BACH2: variants seen among roughly 807,000 people sequenced by gnomAD.
The protein encoded by BACH2 is BACH transcriptional regulator 2.
In BACH2, 5 loss-of-function variants were observed where a neutral mutation model predicts 61.8. The observed-to-expected ratio is 0.08, with a 90% CI of 0.04 to 0.17. BACH2 has a LOEUF of 0.17. Among genes scored for constraint, BACH2 ranks in the 10% least tolerant of loss-of-function variants. The pLI, the probability that BACH2 is intolerant of heterozygous loss-of-function variation, is 1.00. For missense variants in BACH2, 824 were observed against 1,091.1 expected, an observed-to-expected ratio of 0.76 and a Z score of 3.45; for synonymous variants, 446 against 440.1, an observed-to-expected ratio of 1.01 and a Z score of -0.17.
chr6:90,211,762 A>C (rs1369468605), intron 3 of BACH2, among the ~76,000 whole-genome samples: 4 of 152,288 alleles, frequency 2.6e-5, no homozygotes, highest in African/African-American at 4.8e-5. Flanking sequence ...TCAGTAATAT[A>C]TGTCAAAGCT....
At chr6:90,207,422 G>A (rs1582485022) in intron 3 of BACH2, among the ~76,000 whole-genome samples, 1 of 152,230 alleles carries the variant, frequency 6.6e-6, no homozygotes, top group East Asian at 1.9e-4. Context: ...CAGTTTCAAG[G>A]TTAATTTGTC....
chr6:90,038,027 C>T (rs1239109118), intron 5 of BACH2, among the ~76,000 whole-genome samples: 1 of 152,166 alleles, frequency 6.6e-6, no homozygotes, highest in African/African-American at 2.4e-5. Flanking sequence ...CATGACCCTG[C>T]CAACATCCTG....
chr6:89,996,319 T>A (rs1442400485), intron 6 of BACH2, among the ~76,000 whole-genome samples: 1 of 152,224 alleles, frequency 6.6e-6, no homozygotes, highest in Non-Finnish European at 1.5e-5. Context: ...CTGACTGTGC[T>A]CTCTGTCTGT....
intron 4 of BACH2, among the ~76,000 whole-genome samples, chr6:90,193,819 T>G (rs527477473): frequency 6.6e-6 from 1 of 152,288 alleles, no homozygotes; most frequent in East Asian, 1.9e-4. Context: ...TTTAAATTAT[T>G]TTACATGAAA....
intron 4 of BACH2, among the ~76,000 whole-genome samples, chr6:90,134,732 T>C (rs1784215403): frequency 6.6e-6 from 1 of 152,244 alleles, no homozygotes; most frequent in Non-Finnish European, 1.5e-5. Flanking sequence ...CTGGTATTTA[T>C]GTCTAAATGG....
At chr6:90,225,750 G>C (rs1244710509) in intron 3 of BACH2, among the ~76,000 whole-genome samples, 1 of 152,300 alleles carries the variant, frequency 6.6e-6, no homozygotes, top group Admixed American at 6.5e-5. Context: ...CATCCTGCAC[G>C]TGTATCCTGG....
chr6:90,167,638 C>A (rs184816113), intron 4 of BACH2, among the ~76,000 whole-genome samples: 3 of 152,244 alleles, frequency 2.0e-5, no homozygotes, highest in African/African-American at 7.2e-5. Flanking sequence ...GGGTTATAGG[C>A]ATGAGCCACT....
intron 3 of BACH2, among the ~76,000 whole-genome samples, chr6:90,207,282 C>T (rs1769181870): frequency 6.6e-6 from 1 of 152,016 alleles, no homozygotes; most frequent in Non-Finnish European, 1.5e-5. Context: ...CTATGTCCAG[C>T]TAATTTTTGT....
intron 5 of BACH2, among the ~76,000 whole-genome samples, chr6:90,011,701 T>C (rs1441297456): frequency 6.6e-6 from 1 of 152,010 alleles, no homozygotes; most frequent in Non-Finnish European, 1.5e-5. Flanking sequence ...GGCAGGCAGG[T>C]TACGAGGTCA....
intron 4 of BACH2, among the ~76,000 whole-genome samples, chr6:90,146,533 CATGA>C (rs1222275107): frequency 6.6e-6 from 1 of 152,190 alleles, no homozygotes; most frequent in African/African-American, 2.4e-5. Flanking sequence ...GTAACTACTC[CATGA>C]CCCATAACTG....
intron 4 of BACH2, among the ~76,000 whole-genome samples, chr6:90,123,243 G>T (rs1009761126): frequency 6.6e-6 from 1 of 152,270 alleles, no homozygotes; most frequent in East Asian, 1.9e-4. Flanking sequence ...GCAGAGATTG[G>T]AGTCATTTAG....
chr6:90,213,280 C>T (rs1406768919), intron 3 of BACH2, among the ~76,000 whole-genome samples: 14 of 152,174 alleles, frequency 9.2e-5, no homozygotes, highest in South Asian at 2.1e-4. Context: ...ACTCAAGAAA[C>T]GGAGTTGAGA....
rs1192238646 is a variant in BACH2, at chr6:89,928,754, T to G, written c.*3654A>C. ...AGTTAATAAATTACTCGCACAACAT[T>G]CAGTTGCAGACACACAGAGTCAGGT... On this transcript the variant is annotated 3_prime_UTR_variant, in exon 9 of 9. Coordinates refer to ENST00000257749, the MANE Select transcript of BACH2 (RefSeq NM_021813.4). 6.5e-6 allele frequency: 1 copy of G among 152,672 alleles called. No individual in the cohort carries two copies. The highest frequency in any genetic ancestry group is 1.5e-5 in the Non-Finnish European group (1 of 68,028). The allele number at this position is 152,672 out of a possible 1,614,324, so 9.5% of individuals were successfully genotyped here.
At chr6:90,053,783 T>A (rs1395875038) in intron 5 of BACH2, among the ~76,000 whole-genome samples, 1 of 152,266 alleles carries the variant, frequency 6.6e-6, no homozygotes, top group Non-Finnish European at 1.5e-5. Context: ...TTGAGAAGTC[T>A]GCTGTCAGTC....
intron 5 of BACH2, among the ~76,000 whole-genome samples, chr6:90,031,364 C>A (rs1412914607): frequency 1.3e-5 from 2 of 152,052 alleles, no homozygotes; most frequent in Non-Finnish European, 2.9e-5. Flanking sequence ...GGCAACCAGG[C>A]AGGAGAAGGA....
chr6:90,184,467 C>G (rs1381545795), intron 4 of BACH2, among the ~76,000 whole-genome samples: 2 of 152,222 alleles, frequency 1.3e-5, no homozygotes, highest in Non-Finnish European at 2.9e-5. Context: ...CTCTGGCTAA[C>G]CTTCCTCCCT....
At chr6:90,200,774 G>A (rs181424100) in intron 4 of BACH2, among the ~76,000 whole-genome samples, 11 of 152,078 alleles carry the variant, frequency 7.2e-5, no homozygotes, top group East Asian at 1.9e-4. Context: ...ATAGCCTTCC[G>A]GTCTTTTTAT....
intron 2 of BACH2, among the ~76,000 whole-genome samples, chr6:90,255,321 T>C (rs1288654694): frequency 2.6e-5 from 4 of 152,222 alleles, no homozygotes; most frequent in Non-Finnish European, 5.9e-5. Flanking sequence ...TGTAAGACAT[T>C]GTGCTAAGAG....
rs984059320 is a variant in BACH2, at chr6:90,055,417, C to T, written c.-13+33544G>A. On this transcript the variant is annotated intron_variant, in intron 5 of 8. Transcript: ENST00000257749. ...ATGAAATGAAGCAAGAAGAGAAGTT[C>T]AGAGAAAAAAGAATAAAAAGAAACG... Among the ~76,000 whole-genome samples the T allele has an allele frequency of 2.6e-5, 4 of 151,772 alleles. No homozygotes were observed. The East Asian group carries it at 5.8e-4, about 22-fold the overall frequency.
Sources: allele counts gnomAD v4.1 joint callset (sites outside exome capture counted in the v4.1 genomes callset), GRCh38; gene constraint gnomAD v4.1.1; transcripts MANE v1.5; gene names NCBI Gene and HGNC (gene_info 2026-07-23, HGNC 2026-07-21).